ENTPD3: variants seen among roughly 807,000 people sequenced by gnomAD.
The protein encoded by ENTPD3 is CD39 antigen-like 3.
A neutral mutation model predicts 51.2 loss-of-function variants in ENTPD3; 60 were observed. That is an observed-to-expected ratio of 1.17 (90% CI 0.95 to 1.45). The LOEUF is 1.45. Among genes scored for constraint, ENTPD3 ranks in the 40% most tolerant of loss-of-function variants. The pLI is 0.00. For synonymous variants in ENTPD3, 221 were observed against 238.4 expected (o/e 0.93, Z 0.67); for missense variants, 593 against 641.1 (o/e 0.93, Z 0.81).
At chr3:40,413,821 T>C (rs529941717) in intron 5 of ENTPD3, among the ~76,000 whole-genome samples, 3 of 152,126 alleles carry the variant, frequency 2.0e-5, no homozygotes, top group Non-Finnish European at 4.4e-5. Flanking sequence ...ACAAGTAAAA[T>C]AGAAAAGAAA....
At chr3:40,396,670 T>C (rs1955208323) in intron 3 of ENTPD3, among the ~76,000 whole-genome samples, 1 of 152,166 alleles carries the variant, frequency 6.6e-6, no homozygotes, top group Non-Finnish European at 1.5e-5. Flanking sequence ...ACTTGTAATT[T>C]TCACTCGGCC....
At chr3:40,417,410 A>G (rs147265002) in intron 7 of ENTPD3, among the ~76,000 whole-genome samples, 10 of 152,272 alleles carry the variant, frequency 6.6e-5, no homozygotes, top group Admixed American at 1.3e-4. Flanking sequence ...ACATGGGGGA[A>G]TAGGAGGAAG....
chr3:40,417,098 C>T (rs1022667896), intron 7 of ENTPD3, among the ~76,000 whole-genome samples: 11 of 152,160 alleles, frequency 7.2e-5, no homozygotes, highest in African/African-American at 2.7e-4. Flanking sequence ...AACATCTCCC[C>T]AATCCTCCCA....
chr3:40,405,020 C>T (rs556963574), intron 4 of ENTPD3, among the ~76,000 whole-genome samples: 1 of 152,304 alleles, frequency 6.6e-6, no homozygotes, highest in East Asian at 1.9e-4. Context: ...GGGTTCTCTG[C>T]ATGCGTCTCA....
rs774423742 is a variant in ENTPD3, at chr3:40,414,815, A to T, written c.572A>T (p.Asn191Ile). 1 of 1,614,030 alleles carries T rather than the reference A, an allele frequency of 6.2e-7. No individual in the cohort carries two copies. The highest frequency in any genetic ancestry group is 8.5e-7 in the Non-Finnish European group (1 of 1,179,952). ...EEGVYGWITA[N>I]YLMGNFLEKN... ...GGGGTATATGGATGGATTACAGCCA[A>T]CTATTTAATGGGAAATTTCCTGGAG... Residue 191 changes from asparagine to isoleucine, a missense_variant, in exon 6 of 11, where the codon AAC (asparagine) becomes ATC (isoleucine). Asn to Ile is a moderately radical substitution (Grantham distance 149). Coordinates refer to ENST00000301825, the MANE Select transcript of ENTPD3 (RefSeq NM_001248.4).
At chr3:40,413,448 T>C (rs1955678441) in intron 5 of ENTPD3, among the ~76,000 whole-genome samples, 1 of 152,230 alleles carries the variant, frequency 6.6e-6, no homozygotes, top group South Asian at 2.1e-4. Flanking sequence ...AAAATATCTT[T>C]GCTTTACCAG....
At chr3:40,408,937 T>C (rs1272053398) in intron 4 of ENTPD3, among the ~76,000 whole-genome samples, 1 of 151,932 alleles carries the variant, frequency 6.6e-6, no homozygotes, top group Non-Finnish European at 1.5e-5. Context: ...TTTCTTTTTT[T>C]AGGATTAATA....
In ENTPD3 at chr3:40,411,871, T is replaced by C; in HGVS notation, c.346T>C (p.Cys116Arg). 4 of 1,611,108 alleles carry C rather than the reference T, an allele frequency of 2.5e-6. No individual in the cohort carries two copies. Among genetic ancestry groups the C allele is most frequent in the Non-Finnish European group, 3.4e-6 (4 of 1,178,970 alleles). ...PQDVPRAFEE[C>R]MQKVKGQVPS... ...AGATGTCCCCAGAGCCTTTGAGGAGTGTATGCAAAAAGTCAAGGGGCAGGT... is the reference window on the plus strand; with the variant it reads ...AGATGTCCCCAGAGCCTTTGAGGAGCGTATGCAAAAAGTCAAGGGGCAGGT... Residue 116 changes from cysteine to arginine, a missense_variant, in exon 5 of 11, where the codon TGT (cysteine) becomes CGT (arginine). Physicochemically the swap from Cys to Arg is radical, Grantham distance 180. Transcript: ENST00000301825.
At chr3:40,388,565 C>A (rs889693174) in intron 2 of ENTPD3, among the ~76,000 whole-genome samples, 81 of 143,588 alleles carry the variant, frequency 5.6e-4, no homozygotes, top group African/African-American at 2.0e-3. Flanking sequence ...TTTTCTCACA[C>A]TGGAAGGCAC....
chr3:40,427,391 C>T lies in ENTPD3; in HGVS notation c.1473C>T (p.Leu491=), dbSNP rs563595579. ...AACCACCTGTCTTTGTGGGCACCCTCGCTTTCTTCACAGCGGCAGCCTTGC... is the reference window on the plus strand; with the variant it reads ...AACCACCTGTCTTTGTGGGCACCCTTGCTTTCTTCACAGCGGCAGCCTTGC... ...PIEPPVFVGT[L]AFFTAAALLC... is the part of the protein sequence containing the mutation. The change falls in exon 11 of 11, where the codon CTC becomes CTT. Residue 491 remains leucine, a synonymous_variant. Coordinates refer to ENST00000301825, the MANE Select transcript of ENTPD3 (RefSeq NM_001248.4). 108 of 1,613,956 alleles carry T rather than the reference C, an allele frequency of 6.7e-5. 1 individual carries two copies. Among genetic ancestry groups the T allele is most frequent in the South Asian group, 5.6e-4 (51 of 91,076 alleles).
At chr3:40,406,296 GA>G (rs1955495564) in intron 4 of ENTPD3, among the ~76,000 whole-genome samples, 1 of 152,150 alleles carries the variant, frequency 6.6e-6, no homozygotes, top group South Asian at 2.1e-4. Flanking sequence ...CATTTTCCAG[GA>G]AAAGCCAAGG....
intron 10 of ENTPD3, among the ~76,000 whole-genome samples, chr3:40,425,649 C>T (rs1211099283): frequency 6.6e-6 from 1 of 151,828 alleles, no homozygotes; most frequent in Non-Finnish European, 1.5e-5. Flanking sequence ...GTAATTCCAG[C>T]ACTTTGGGAG....
chr3:40,405,587 G>A (rs1267220980), intron 4 of ENTPD3, among the ~76,000 whole-genome samples: 1 of 152,042 alleles, frequency 6.6e-6, no homozygotes, highest in Admixed American at 6.6e-5. Flanking sequence ...CCTCAAGTAA[G>A]TTTTGTGCCG....
At chr3:40,412,767 A>G (rs1474594770) in intron 5 of ENTPD3, among the ~76,000 whole-genome samples, 1 of 152,188 alleles carries the variant, frequency 6.6e-6, no homozygotes, top group Non-Finnish European at 1.5e-5. Context: ...CTCCTTTAAC[A>G]TGATAATGAA....
At chr3:40,403,506 A>G (rs1955419077) in intron 4 of ENTPD3, among the ~76,000 whole-genome samples, 1 of 152,196 alleles carries the variant, frequency 6.6e-6, no homozygotes, top group African/African-American at 2.4e-5. Flanking sequence ...CACCCTGGAA[A>G]GAGCAAGATC....
chr3:40,415,860 G>C lies in ENTPD3; in HGVS notation c.618G>C (p.Trp206Cys). The C allele has an allele frequency of 6.2e-7, 1 of 1,613,920 alleles. No individual in the cohort carries two copies. Among genetic ancestry groups the C allele is most frequent in the Non-Finnish European group, 8.5e-7 (1 of 1,179,898 alleles). Residue 206 changes from tryptophan to cysteine, a missense_variant, in exon 7 of 11, where the codon TGG becomes TGC. Transcript: ENST00000301825. ...NFLEKNLWHM[W>C]VHPHGVETTG... ...TGCAGAAGAACCTGTGGCACATGTG[G>C]GTGCACCCGCATGGAGTGGAAACCA...
chr3:40,414,487 C>T (rs1955699990), intron 5 of ENTPD3, among the ~76,000 whole-genome samples, 194 bp from the exon 6 acceptor site: 1 of 152,206 alleles, frequency 6.6e-6, no homozygotes, highest in Admixed American at 6.5e-5. Flanking sequence ...GTAACAAGTG[C>T]ATCCTGCCTT....
chr3:40,412,528 C>CT (rs529124028), intron 5 of ENTPD3, among the ~76,000 whole-genome samples: 286 of 152,170 alleles, frequency 1.9e-3, no homozygotes, highest in African/African-American at 5.9e-3. Context: ...TGTCTTTTCT[C>CT]TTTTTTCTCC....
At chr3:40,406,367 C>G (rs1955497563) in intron 4 of ENTPD3, among the ~76,000 whole-genome samples, 1 of 152,180 alleles carries the variant, frequency 6.6e-6, no homozygotes, top group Non-Finnish European at 1.5e-5. Flanking sequence ...AAGGCCTGCT[C>G]CTTGGAGGGA....
Sources: gnomAD v4.1 joint callset for allele counts (sites outside exome capture counted in the v4.1 genomes callset) on GRCh38, gnomAD v4.1.1 for gene constraint, MANE v1.5 for transcripts, NCBI Gene and HGNC (gene_info 2026-07-23, HGNC 2026-07-21) for gene names.